POLR1E: variants seen among roughly 807,000 people sequenced by gnomAD.
POLR1E encodes DNA-directed RNA polymerase I subunit RPA49.
POLR1E carries 37 observed loss-of-function variants against 50.9 expected under a neutral mutation model. That is an observed-to-expected ratio of 0.73 (90% CI 0.56 to 0.96). The LOEUF is 0.96. POLR1E is among the 40% of genes least tolerant of loss of function. POLR1E has a pLI of 0.00. For synonymous variants in POLR1E, 166 were observed against 191.6 expected, an observed-to-expected ratio of 0.87 and a Z score of 1.10; for missense variants, 426 against 518.1, an observed-to-expected ratio of 0.82 and a Z score of 1.73.
At chr9:37,494,562 C>T (rs1250809377) in intron 6 of POLR1E, among the ~76,000 whole-genome samples, 1 of 152,154 alleles carries the variant, frequency 6.6e-6, no homozygotes, top group Non-Finnish European at 1.5e-5. Context: ...TTCAGCCTCC[C>T]AAGTGGCTGG....
rs143830534 is a variant in POLR1E, at chr9:37,495,361, C to G, written c.655+85C>G. The G allele has an allele frequency of 8.0e-5, 88 of 1,097,126 alleles. 1 individual carries two copies. In the Admixed American group the frequency reaches 1.5e-3, roughly 18 times the overall value. 68.0% of individuals were successfully genotyped at this position (1,097,126 alleles called of 1,614,324 possible). ...GTGCAGTCAGGTTCTCTGAGGGTGTCTGTGTTCTGTGACATTCACAAGAGC... is the reference window on the plus strand; with the variant it reads ...GTGCAGTCAGGTTCTCTGAGGGTGTGTGTGTTCTGTGACATTCACAAGAGC... On this transcript the variant is annotated intron_variant, in intron 7 of 11. Coordinates refer to ENST00000377798, the MANE Select transcript of POLR1E (RefSeq NM_022490.4).
intron 4 of POLR1E, among the ~76,000 whole-genome samples, chr9:37,489,781 C>T (rs141291582): frequency 0.048 from 7,377 of 152,220 alleles, 604 homozygotes; most frequent in African/African-American, 0.17. Context: ...ACCATGTTGG[C>T]CAGGCTGGTC....
rs545948609 is a variant in POLR1E, at chr9:37,497,771, T to G, written c.753-320T>G. Among the ~76,000 whole-genome samples, 59 of 152,290 alleles carry G rather than the reference T, an allele frequency of 3.9e-4. 1 individual carries two copies. Among genetic ancestry groups the G allele is most frequent in the Admixed American group, 7.2e-4 (11 of 15,284 alleles). ...ATCAGCTGCTTTTGTTCGTTTGTTTTTTTTTGTTTCTGAGACAGGGTCTTG... is the reference window on the plus strand; with the variant it reads ...ATCAGCTGCTTTTGTTCGTTTGTTTGTTTTTGTTTCTGAGACAGGGTCTTG... On this transcript the variant is annotated intron_variant, in intron 8 of 11. Transcript: ENST00000377798.
At position 37,500,201 on chromosome 9, in the gene POLR1E, T is replaced by C. The variant is rs967052895; in HGVS notation, c.887-639T>C. 2.0e-5 allele frequency among the ~76,000 whole-genome samples: 3 copies of C among 149,020 alleles called. No individual in the cohort carries two copies. In the South Asian group the frequency reaches 6.4e-4, roughly 32 times the overall value. Reference sequence around the variant, plus strand: ...TTTTGTTTTGTTTTGTTTTGTTTTTTTGAGATGGAGTCTCACTCTATTGCC... The same window carrying C: ...TTTTGTTTTGTTTTGTTTTGTTTTTCTGAGATGGAGTCTCACTCTATTGCC... On this transcript the variant is annotated intron_variant, in intron 9 of 11. Coordinates refer to ENST00000377798, the MANE Select transcript of POLR1E (RefSeq NM_022490.4).
chr9:37,500,807 G>A, intron 9 of POLR1E, 33 bp from the exon 10 acceptor site: 1 of 1,561,420 alleles, frequency 6.4e-7, no homozygotes, highest in Non-Finnish European at 8.8e-7. Context: ...AGGGTTTTGA[G>A]AGAAAATGAT....
intron 5 of POLR1E, among the ~76,000 whole-genome samples, chr9:37,493,287 G>A (rs1045279756): frequency 7.2e-5 from 11 of 152,184 alleles, no homozygotes; most frequent in African/African-American, 2.4e-4. Flanking sequence ...GCATAGGATG[G>A]GAGAATGGTA....
chr9:37,489,222 C>G, intron 3 of POLR1E, 93 bp from the exon 4 acceptor site: 2 of 972,126 alleles, frequency 2.1e-6, no homozygotes, highest in Non-Finnish European at 3.0e-6. Flanking sequence ...TGGGTGACAG[C>G]AAGACTCTGT....
intron 1 of POLR1E, chr9:37,486,477 G>A: frequency 6.4e-7 from 1 of 1,551,712 alleles, no homozygotes. Context: ...CCTTCCGCGA[G>A]ACATTCCCTC....
At chr9:37,490,811 G>T in intron 4 of POLR1E, 1 of 601,182 alleles carries the variant, frequency 1.7e-6, no homozygotes, top group East Asian at 4.0e-5. Flanking sequence ...CATATATGTG[G>T]CCAAAGGAAC....
intron 4 of POLR1E, 179 bp from the exon 5 acceptor site, chr9:37,492,478 A>T (rs1482504371): frequency 1.2e-6 from 1 of 825,674 alleles, no homozygotes; most frequent in East Asian, 2.9e-5. Context: ...CAAGTTCTTT[A>T]ACTGTATACT....
intron 6 of POLR1E, 117 bp downstream of exon 6, chr9:37,493,820 CCTCTT>C: frequency 1.2e-5 from 14 of 1,154,410 alleles, no homozygotes; most frequent in African/African-American, 1.6e-5. Context: ...TTCCTTTCAG[CCTCTT>C]GCTGAAGGCC....
intron 8 of POLR1E, among the ~76,000 whole-genome samples, chr9:37,496,846 G>A (rs1487891482): frequency 2.0e-5 from 3 of 152,084 alleles, no homozygotes; most frequent in African/African-American, 7.2e-5. Context: ...ATCTTGAAGA[G>A]CCTTTTTATC....
At chr9:37,496,318 GAAT>G (rs1257043235) in intron 8 of POLR1E, among the ~76,000 whole-genome samples, 9 of 152,170 alleles carry the variant, frequency 5.9e-5, no homozygotes, top group Non-Finnish European at 1.3e-4. Context: ...GCTGGCCTGG[GAAT>G]GGGTGCTGGC....
At chr9:37,492,291 C>T in intron 4 of POLR1E, 1 of 1,293,924 alleles carries the variant, frequency 7.7e-7, no homozygotes, top group Non-Finnish European at 1.0e-6. Context: ...GGTCTTTCAC[C>T]AAGAAAGCAA....
At chr9:37,496,491 G>A (rs1171745859) in intron 8 of POLR1E, among the ~76,000 whole-genome samples, 1 of 151,066 alleles carries the variant, frequency 6.6e-6, no homozygotes, top group African/African-American at 2.4e-5. Context: ...AGTTTTTTTT[G>A]CTTTTGAGTT....
Position 37,501,755 on chromosome 9 carries a change from T to C in POLR1E, c.1011T>C (p.Thr337=), listed in dbSNP as rs17412622. The C allele has an allele frequency of 0.066, 106,088 of 1,613,910 alleles. 4,137 individuals carry two copies. The highest frequency in any genetic ancestry group is 0.077 in the Non-Finnish European group (90,815 of 1,179,860). The change falls in exon 11 of 12, where the codon ACT becomes ACC. Residue 337 remains threonine, a synonymous_variant. Transcript: ENST00000377798. ...LISDSMKAKI[T]AYVIILALHI... ...CGGATTCTATGAAGGCGAAGATTAC[T>C]GCATATGTGATCATACTTGCCTTGC...
In POLR1E at chr9:37,487,902, T is replaced by C; in HGVS notation, c.220T>C (p.Phe74Leu). 6.2e-7 allele frequency: 1 copy of C among 1,614,208 alleles called. No homozygotes were observed. Among genetic ancestry groups the C allele is most frequent in the Non-Finnish European group, 8.5e-7 (1 of 1,180,016 alleles). The stretch of plus-strand genomic sequence containing the variant: ...TAGGCTCTCCTATGTGGGAAACAAT[T>C]TTGGGACTGGAGCCCTCAAATGCAA... ...TDRLSYVGNNFGTGALKCNTL... is the reference protein window; with the variant it reads ...TDRLSYVGNNLGTGALKCNTL... Residue 74 changes from phenylalanine to leucine, a missense_variant, in exon 3 of 12, where the codon TTT becomes CTT. Transcript: ENST00000377798.
rs1164237700 is a variant in POLR1E at position 37,503,130 on chromosome 9, G to C, written c.1188G>C (p.Leu396=). The change falls in exon 12 of 12, where the codon CTG becomes CTC. Residue 396 remains leucine (L), a synonymous_variant. Transcript: ENST00000377798. ...VAAGSEEDHK[L]GTLSLPLPPA... is the part of the protein sequence containing the mutation. Reference sequence around the variant, plus strand: ...CCGGCAGTGAAGAAGATCACAAGCTGGGCACCCTGTCCCTCCCGCTGCCTC... The same window carrying C: ...CCGGCAGTGAAGAAGATCACAAGCTCGGCACCCTGTCCCTCCCGCTGCCTC... 3 of 1,613,710 alleles carry C rather than the reference G, an allele frequency of 1.9e-6. No homozygotes were observed. The highest frequency in any genetic ancestry group is 2.5e-6 in the Non-Finnish European group (3 of 1,179,934).
chr9:37,496,267 A>G (rs1280381821), intron 8 of POLR1E, among the ~76,000 whole-genome samples: 4 of 152,168 alleles, frequency 2.6e-5, no homozygotes, highest in Non-Finnish European at 2.9e-5. Context: ...TGTGTCACCC[A>G]GTGTCATGCT....
Sources: gnomAD v4.1 joint callset for allele counts (sites outside exome capture counted in the v4.1 genomes callset) on GRCh38, gnomAD v4.1.1 for gene constraint, MANE v1.5 for transcripts, NCBI Gene and HGNC (gene_info 2026-07-23, HGNC 2026-07-21) for gene names.